Variants in ECI1 observed in about 807,000 individuals in gnomAD.
The protein encoded by ECI1 is enoyl-CoA delta isomerase 1, mitochondrial.
In ECI1, 34 loss-of-function variants were observed where a neutral mutation model predicts 34.2. The ratio of observed to expected loss-of-function variants is 1.00; its 90% CI spans 0.76 to 1.33. The LOEUF (loss-of-function observed/expected upper bound fraction) is 1.33. ECI1 is among the 40% of genes most tolerant of loss of function. The pLI is 0.00. For synonymous variants in ECI1, 211 were observed against 193.0 expected, an observed-to-expected ratio of 1.09 and a Z score of -0.77; for missense variants, 456 against 422.2, an observed-to-expected ratio of 1.08 and a Z score of -0.70.
chr16:2,250,103 T>C (rs2093549655), intron 2 of ECI1, among the ~76,000 whole-genome samples: 2 of 149,920 alleles, frequency 1.3e-5, no homozygotes. Context: ...ACTCAGTTTT[T>C]ACAAAAATTA....
intron 6 of ECI1, chr16:2,241,558 A>C (rs1289747693): frequency 6.6e-6 from 1 of 152,216 alleles, no homozygotes; most frequent in Non-Finnish European, 1.5e-5. Context: ...TGGCCTCTCA[A>C]AGTGCTGGGA....
intron 3 of ECI1, among the ~76,000 whole-genome samples, chr16:2,245,182 G>A (rs1168464714): frequency 6.6e-6 from 1 of 152,180 alleles, no homozygotes; most frequent in Non-Finnish European, 1.5e-5. Flanking sequence ...TGGGGACCCT[G>A]CATGGTCACA....
chr16:2,240,360 T>C, intron 6 of ECI1: 1 of 527,508 alleles, frequency 1.9e-6, no homozygotes, highest in Non-Finnish European at 3.4e-6. Context: ...TACAACCGTG[T>C]GCCACCACAC....
Position 2,247,491 on chromosome 16 carries a change from G to A in ECI1, c.167-505C>T, listed in dbSNP as rs141036593. On this transcript the variant is annotated intron_variant, in intron 2 of 6. Transcript: ENST00000301729. ...TGGCTCACCGCAACCTCTGCCTCTTGGGTTCAAGCGATTCGACTGCCTCAG... is the reference window on the plus strand; with the variant it reads ...TGGCTCACCGCAACCTCTGCCTCTTAGGTTCAAGCGATTCGACTGCCTCAG... 7.7e-3 allele frequency among the ~76,000 whole-genome samples: 1,175 copies of A among 152,260 alleles called. 8 individuals carry two copies. Among genetic ancestry groups the A allele is most frequent in the Non-Finnish European group, 0.013 (857 of 68,024 alleles).
Position 2,246,991 on chromosome 16 carries a change from T to C in ECI1, c.167-5A>G. The C allele has an allele frequency of 6.2e-7, 1 of 1,612,816 alleles. No individual in the cohort carries two copies. The highest frequency in any genetic ancestry group is 8.5e-7 in the Non-Finnish European group (1 of 1,179,854). On this transcript the variant is annotated splice_region_variant and splice_polypyrimidine_tract_variant and intron_variant, in intron 2 of 6. Coordinates refer to ENST00000301729, the MANE Select transcript of ECI1 (RefSeq NM_001919.4). ...TGAATTTCATCACAGCGACCCCTAA[T>C]TTAAAGAATGAGAAGAGAAAGCTCA...
At chr16:2,251,491 C>T (rs1388670802) in intron 1 of ECI1, 24 bp downstream of exon 1, 2 of 1,555,732 alleles carry the variant, frequency 1.3e-6, no homozygotes, top group Middle Eastern at 3.6e-4. Flanking sequence ...CCGGCCCGAT[C>T]CCTGCCCACC....
chr16:2,251,143 CTT>C (rs1457143477), intron 2 of ECI1, among the ~76,000 whole-genome samples, 171 bp downstream of exon 2: 2 of 152,248 alleles, frequency 1.3e-5, no homozygotes, highest in East Asian at 3.8e-4. Flanking sequence ...AAAACAGAAA[CTT>C]TTATCTCATG....
At chr16:2,251,270 C>G in intron 2 of ECI1, 46 bp downstream of exon 2, 2 of 973,030 alleles carry the variant, frequency 2.1e-6, no homozygotes, top group Non-Finnish European at 2.6e-6. Flanking sequence ...CGGACCCCCG[C>G]GGGTCCTGAC....
intron 4 of ECI1, 152 bp downstream of exon 4, chr16:2,244,254 G>A (rs2093534883): frequency 1.1e-6 from 1 of 927,318 alleles, no homozygotes; most frequent in Non-Finnish European, 1.7e-6. Context: ...ACGCCCCGTG[G>A]TCTGCGATGG....
In ECI1 at chr16:2,240,161, C is replaced by T. The variant is rs74343714; in HGVS notation, c.743-16G>A. On this transcript the variant is annotated splice_polypyrimidine_tract_variant and intron_variant, in intron 6 of 6. Transcript: ENST00000301729. ...CGAGCATGGTCTAAAGAGAATGGGA[C>T]GTGCCACTGAAATCCCACTTTCAGG... 1,141 of 1,612,530 alleles carry T rather than the reference C, an allele frequency of 7.1e-4. 4 individuals carry two copies. In the African/African-American group the frequency reaches 0.012, roughly 18 times the overall value.
At position 2,247,005 on chromosome 16, in the gene ECI1, A is replaced by G. The variant is rs376093416; in HGVS notation, c.167-19T>C. On this transcript the variant is annotated intron_variant, in intron 2 of 6. Transcript: ENST00000301729. ...GCGACCCCTAATTTAAAGAATGAGA[A>G]GAGAAAGCTCACACCTGGCACTGGA... is the stretch of plus-strand genomic sequence containing the variant. 349 of 1,611,390 alleles carry G rather than the reference A, an allele frequency of 2.2e-4. No individual in the cohort carries two copies. The highest frequency in any genetic ancestry group is 2.6e-4 in the Non-Finnish European group (307 of 1,179,444).
chr16:2,247,869 G>C (rs2093543918), intron 2 of ECI1, among the ~76,000 whole-genome samples: 1 of 151,910 alleles, frequency 6.6e-6, no homozygotes, highest in African/African-American at 2.4e-5. Flanking sequence ...ACCACACCCA[G>C]TTAATCTTTT....
At chr16:2,249,528 C>T (rs1353743821) in intron 2 of ECI1, among the ~76,000 whole-genome samples, 6 of 151,864 alleles carry the variant, frequency 4.0e-5, no homozygotes, top group Admixed American at 2.0e-4. Flanking sequence ...GAAAAGTGTT[C>T]GTACAATGAC....
intron 4 of ECI1, among the ~76,000 whole-genome samples, chr16:2,243,891 C>A (rs969319530): frequency 6.6e-6 from 1 of 152,200 alleles, no homozygotes; most frequent in African/African-American, 2.4e-5. Flanking sequence ...CAGGTACCCA[C>A]TGCCCCGCGC....
chr16:2,247,074 C>A, intron 2 of ECI1, 88 bp from the exon 3 acceptor site: 1 of 1,485,738 alleles, frequency 6.7e-7, no homozygotes, highest in Non-Finnish European at 9.2e-7. Flanking sequence ...GCCATGATAG[C>A]TGTGCATTTT....
In ECI1 at chr16:2,244,617, G is replaced by A; in HGVS notation, c.295-65C>T. The A allele has an allele frequency of 2.0e-6, 3 of 1,524,686 alleles. No homozygotes were observed. In the South Asian group the frequency reaches 3.6e-5, roughly 18 times the overall value. 94.4% of individuals were successfully genotyped at this position (1,524,686 alleles called of 1,614,324 possible). A position where few individuals can be genotyped will look rare whatever the true frequency, so the allele number is the denominator to read the frequency against. ...CCTCCCAGCTGGCATCACAGCAGGAGGGCTGGGGAGCCCAGGTGCACGACG... is the reference window on the plus strand; with the variant it reads ...CCTCCCAGCTGGCATCACAGCAGGAAGGCTGGGGAGCCCAGGTGCACGACG... On this transcript the variant is annotated intron_variant, in intron 3 of 6. Coordinates refer to ENST00000301729, the MANE Select transcript of ECI1 (RefSeq NM_001919.4).
chr16:2,249,969 G>A (rs1462623297), intron 2 of ECI1, among the ~76,000 whole-genome samples: 2 of 140,828 alleles, frequency 1.4e-5, no homozygotes, highest in East Asian at 4.4e-4. Context: ...CCGGAACCGC[G>A]CCATTGCACG....
chr16:2,239,868 A>C lies in ECI1; in HGVS notation c.*111T>G. 8.2e-7 allele frequency: 1 copy of C among 1,221,766 alleles called. No homozygotes were observed. The highest frequency in any genetic ancestry group is 1.2e-5 in the South Asian group (1 of 81,928). 75.7% of individuals were successfully genotyped at this position (1,221,766 alleles called of 1,614,324 possible). ...TGAGGAACAGGAACTTCTACGTAAC[A>C]TCAGCAAAATGAAACGCTGGCAGTA... is the stretch of plus-strand genomic sequence containing the variant. On this transcript the variant is annotated 3_prime_UTR_variant, in exon 7 of 7. Coordinates refer to ENST00000301729, the MANE Select transcript of ECI1 (RefSeq NM_001919.4).
intron 6 of ECI1, among the ~76,000 whole-genome samples, chr16:2,242,127 G>T (rs1430809377): frequency 6.6e-6 from 1 of 152,058 alleles, no homozygotes; most frequent in Non-Finnish European, 1.5e-5. Flanking sequence ...TAAAATGTTG[G>T]GATTACAGGT....
Sources: allele counts gnomAD v4.1 joint callset (sites outside exome capture counted in the v4.1 genomes callset), GRCh38; gene constraint gnomAD v4.1.1; transcripts MANE v1.5; gene names NCBI Gene and HGNC (gene_info 2026-07-23, HGNC 2026-07-21).